Variants in NR5A2 observed in about 807,000 individuals in gnomAD.
The protein encoded by NR5A2 is CYP7A promoter-binding factor.
NR5A2 carries 26 observed loss-of-function variants against 62.7 expected under a neutral mutation model. That is an observed-to-expected ratio of 0.41 (90% CI 0.30 to 0.58). The LOEUF (loss-of-function observed/expected upper bound fraction) is 0.58, where lower values mean the gene tolerates loss of function less well. Ranked by LOEUF, NR5A2 falls within the 20% of genes least tolerant of loss-of-function variation. The pLI, the probability that NR5A2 is intolerant of heterozygous loss-of-function variation, is 0.22. For synonymous variants in NR5A2, 246 were observed against 241.7 expected, an observed-to-expected ratio of 1.02 and a Z score of -0.16; for missense variants, 541 against 669.1, an observed-to-expected ratio of 0.81 and a Z score of 2.11.
intron 7 of NR5A2, among the ~76,000 whole-genome samples, chr1:200,170,528 T>A (rs573053439): frequency 6.6e-6 from 1 of 152,296 alleles, no homozygotes; most frequent in Non-Finnish European, 1.5e-5. Flanking sequence ...TGTTATCATT[T>A]GTATTTTGGC....
chr1:200,088,858 A>AT (rs1664680111), intron 5 of NR5A2, among the ~76,000 whole-genome samples: 2 of 152,108 alleles, frequency 1.3e-5, no homozygotes, highest in Non-Finnish European at 2.9e-5. Flanking sequence ...GCTTAGCCAC[A>AT]TCTTCTCAGC....
intron 7 of NR5A2, among the ~76,000 whole-genome samples, chr1:200,160,723 G>C (rs546999477): frequency 6.6e-6 from 1 of 151,274 alleles, no homozygotes; most frequent in Non-Finnish European, 1.5e-5. Context: ...AATTTATCCC[G>C]AGGCAAACCA....
chr1:200,120,735 T>C lies in NR5A2; in HGVS notation c.1231-73T>C, dbSNP rs16846046. Reference sequence around the variant, plus strand: ...CTGTATTGCAATCTGATTTTACCCATAGTTCTTACGACTCAGGTGAAATAC... The same window carrying C: ...CTGTATTGCAATCTGATTTTACCCACAGTTCTTACGACTCAGGTGAAATAC... On this transcript the variant is annotated intron_variant, in intron 6 of 7. Coordinates refer to ENST00000367362, the MANE Select transcript of NR5A2 (RefSeq NM_205860.3). The C allele has an allele frequency of 2.2e-3, 3,095 of 1,422,324 alleles. 69 individuals carry two copies. The African/African-American group carries it at 0.041, about 19-fold the overall frequency. The allele number at this position is 1,422,324 out of a possible 1,614,324, so 88.1% of individuals were successfully genotyped here.
intron 5 of NR5A2, among the ~76,000 whole-genome samples, chr1:200,092,120 AGCCATTAGTAGGGTTTCCT>A (rs529130569): frequency 1.1e-3 from 173 of 152,284 alleles, no homozygotes; most frequent in African/African-American, 4.1e-3. Context: ...AATTAAGTGA[AGCCATTAGTAGGGTTTCCT>A]GCATAGACAC....
intron 6 of NR5A2, among the ~76,000 whole-genome samples, chr1:200,120,358 G>A (rs1355524262): frequency 6.6e-6 from 1 of 152,100 alleles, no homozygotes; most frequent in Non-Finnish European, 1.5e-5. Flanking sequence ...TTATTCATGA[G>A]AGTTAAAATT....
intron 5 of NR5A2, among the ~76,000 whole-genome samples, chr1:200,085,981 C>A (rs1161763961): frequency 6.6e-6 from 1 of 152,056 alleles, no homozygotes; most frequent in East Asian, 1.9e-4. Flanking sequence ...ATTTTCTTTG[C>A]GCCTAATGTA....
chr1:200,042,606 G>C (rs1189439518), intron 2 of NR5A2, among the ~76,000 whole-genome samples: 1 of 152,216 alleles, frequency 6.6e-6, no homozygotes, highest in Non-Finnish European at 1.5e-5. Flanking sequence ...TGCGCCGTTG[G>C]GTAGCAGGAG....
intron 7 of NR5A2, among the ~76,000 whole-genome samples, chr1:200,139,540 A>C (rs1282690521): frequency 1.3e-5 from 2 of 152,200 alleles, no homozygotes; most frequent in African/African-American, 4.8e-5. Flanking sequence ...TCTTGGAGAG[A>C]GATCCAACAG....
chr1:200,060,762 C>T (rs1408996731), intron 5 of NR5A2, among the ~76,000 whole-genome samples: 1 of 152,026 alleles, frequency 6.6e-6, no homozygotes, highest in Non-Finnish European at 1.5e-5. Flanking sequence ...TCTATGAATT[C>T]TTCACGTATG....
In NR5A2 at chr1:200,163,224, G is replaced by T. The variant is rs1471034980; in HGVS notation, c.1379-10739G>T. On this transcript the variant is annotated intron_variant, in intron 7 of 7. Transcript: ENST00000367362. Reference sequence around the variant, plus strand: ...TTCTACACAAAATAAAAATAAAGTTGGCCATGAATTTGATATGGAAGAATA... The same window carrying T: ...TTCTACACAAAATAAAAATAAAGTTTGCCATGAATTTGATATGGAAGAATA... 2.0e-5 allele frequency among the ~76,000 whole-genome samples: 3 copies of T among 147,196 alleles called. 1 individual carries two copies. Among genetic ancestry groups the T allele is most frequent in the Admixed American group, 1.3e-4 (2 of 14,822 alleles).
At chr1:200,086,148 T>G (rs1216618258) in intron 5 of NR5A2, among the ~76,000 whole-genome samples, 3 of 152,200 alleles carry the variant, frequency 2.0e-5, no homozygotes, top group Non-Finnish European at 2.9e-5. Context: ...GGAGAAAATG[T>G]GACCAACTCC....
chr1:200,106,061 C>CCTCTGTT (rs373033375), intron 5 of NR5A2, among the ~76,000 whole-genome samples: 6,113 of 114,910 alleles, frequency 0.053, 465 homozygotes, highest in African/African-American at 0.2. Context: ...CAGATTCACT[C>CCTCTGTT]TTCTTTTTTT....
chr1:200,127,691 A>AT (rs1472764291), intron 7 of NR5A2, among the ~76,000 whole-genome samples: 7 of 68,574 alleles, frequency 1.0e-4, no homozygotes, highest in South Asian at 5.5e-4. Flanking sequence ...AAAAAAAAAA[A>AT]AAAAAAAAAA....
At chr1:200,093,307 G>A (rs1664907527) in intron 5 of NR5A2, among the ~76,000 whole-genome samples, 1 of 152,090 alleles carries the variant, frequency 6.6e-6, no homozygotes, top group Non-Finnish European at 1.5e-5. Context: ...TGCTATTGAT[G>A]TATATATGTG....
chr1:200,062,227 T>TTTTGTGTGTGTGTGTGTG (rs1553267511), intron 5 of NR5A2, among the ~76,000 whole-genome samples: 3 of 145,666 alleles, frequency 2.1e-5, no homozygotes, highest in Non-Finnish European at 3.0e-5. Flanking sequence ...CTGGCAGATT[T>TTTTGTGTGTGTGTGTGTG]TGTGTGTGTG....
intron 7 of NR5A2, among the ~76,000 whole-genome samples, chr1:200,133,528 CACACACATATATATATAT>C (rs376891452): frequency 1.9e-5 from 2 of 106,142 alleles, no homozygotes; most frequent in Non-Finnish European, 3.8e-5. Context: ...TATATATATA[CACACACATATATATATAT>C]ACACATATAT....
At chr1:200,031,571 CT>C (rs530174677) in intron 1 of NR5A2, among the ~76,000 whole-genome samples, 7,055 of 89,602 alleles carry the variant, frequency 0.079, 73 homozygotes, top group African/African-American at 0.15. Flanking sequence ...TCTTTAACAC[CT>C]TTTTTTTTTT....
At chr1:200,168,552 A>C (rs1021517796) in intron 7 of NR5A2, among the ~76,000 whole-genome samples, 1 of 152,148 alleles carries the variant, frequency 6.6e-6, no homozygotes, top group Non-Finnish European at 1.5e-5. Flanking sequence ...AGTTGGTAAA[A>C]ATAACTCTTG....
chr1:200,168,453 G>A (rs1654016575), intron 7 of NR5A2, among the ~76,000 whole-genome samples: 1 of 152,096 alleles, frequency 6.6e-6, no homozygotes, highest in South Asian at 2.1e-4. Context: ...CTGGGCTGAA[G>A]CAATCCTCCA....
Sources: allele counts gnomAD v4.1 joint callset (sites outside exome capture counted in the v4.1 genomes callset), GRCh38; gene constraint gnomAD v4.1.1; transcripts MANE v1.5; gene names NCBI Gene and HGNC (gene_info 2026-07-23, HGNC 2026-07-21).